Variants in RGS9 observed in about 807,000 individuals in gnomAD.
RGS9 encodes the protein regulator of G protein signaling 9, also known as regulator of G-protein signalling 9.
A neutral mutation model predicts 102.0 loss-of-function variants in RGS9; 78 were observed. That is an observed-to-expected ratio of 0.76 (90% CI 0.64 to 0.92). The LOEUF is 0.92. Ranked by LOEUF, RGS9 falls within the 40% of genes least tolerant of loss-of-function variation. The pLI, the probability that RGS9 is intolerant of heterozygous loss-of-function variation, is 0.00. For missense variants in RGS9, 833 were observed against 866.1 expected, an observed-to-expected ratio of 0.96 and a Z score of 0.48; for synonymous variants, 353 against 318.6, an observed-to-expected ratio of 1.11 and a Z score of -1.15.
At chr17:65,223,442 A>C (rs1398052623) in intron 17 of RGS9, among the ~76,000 whole-genome samples, 1 of 152,202 alleles carries the variant, frequency 6.6e-6, no homozygotes, top group African/African-American at 2.4e-5. Context: ...CCCTGCCCTC[A>C]GTGGCCCCTG....
At chr17:65,174,803 G>A (rs901949063) in intron 8 of RGS9, among the ~76,000 whole-genome samples, 2 of 152,192 alleles carry the variant, frequency 1.3e-5, no homozygotes, top group African/African-American at 4.8e-5. Context: ...AGTTCTGCAT[G>A]GCTGGGGAAG....
chr17:65,194,834 G>T (rs370580370), intron 12 of RGS9, among the ~76,000 whole-genome samples: 2 of 152,188 alleles, frequency 1.3e-5, no homozygotes, highest in African/African-American at 4.8e-5. Context: ...GGTCAACACT[G>T]CCGAGGCCAT....
chr17:65,140,589 G>C (rs576750519), intron 1 of RGS9, among the ~76,000 whole-genome samples: 1 of 152,260 alleles, frequency 6.6e-6, no homozygotes, highest in Non-Finnish European at 1.5e-5. Flanking sequence ...GAAGATCACT[G>C]GTGGGCCAGT....
intron 12 of RGS9, among the ~76,000 whole-genome samples, chr17:65,193,993 T>C (rs1912484022): frequency 6.6e-6 from 1 of 152,170 alleles, no homozygotes. Context: ...GTCAAATACT[T>C]GCCAATCCCA....
rs915498979 is a variant in RGS9 at position 65,179,759 on chromosome 17, G to T, written c.654+1956G>T. 4.6e-5 allele frequency among the ~76,000 whole-genome samples: 7 copies of T among 151,822 alleles called. 1 individual carries two copies. Among genetic ancestry groups the T allele is most frequent in the Admixed American group, 2.6e-4 (4 of 15,238 alleles). ...GGAGCTGAGCTGCTCCATCCTGGGG[G>T]TGACTTCTGAGGAGGGTGACCAGAT... On this transcript the variant is annotated intron_variant, in intron 9 of 18. Transcript: ENST00000262406.
At chr17:65,187,481 G>A (rs1051960187) in intron 9 of RGS9, among the ~76,000 whole-genome samples, 6 of 152,150 alleles carry the variant, frequency 3.9e-5, no homozygotes, top group Non-Finnish European at 7.4e-5. Context: ...AGAGCAATCC[G>A]GGGAAGCAAA....
intron 15 of RGS9, among the ~76,000 whole-genome samples, chr17:65,206,221 C>T (rs935896016): frequency 5.9e-5 from 9 of 152,150 alleles, no homozygotes; most frequent in South Asian, 2.1e-4. Flanking sequence ...TTAGAATTGC[C>T]GCCAAGCCAG....
At chr17:65,215,473 T>C (rs1913459831) in intron 17 of RGS9, among the ~76,000 whole-genome samples, 1 of 139,846 alleles carries the variant, frequency 7.2e-6, no homozygotes, top group South Asian at 2.2e-4. Flanking sequence ...TTTCTTTCTT[T>C]CTCTATCTTT....
At chr17:65,190,768 G>C (rs1007156380) in intron 11 of RGS9, among the ~76,000 whole-genome samples, 1 of 152,216 alleles carries the variant, frequency 6.6e-6, no homozygotes, top group African/African-American at 2.4e-5. Context: ...AAAGAGCTGA[G>C]TGCTGCCTCC....
chr17:65,153,046 A>G (rs1910639214), intron 1 of RGS9, among the ~76,000 whole-genome samples: 1 of 152,200 alleles, frequency 6.6e-6, no homozygotes, highest in Non-Finnish European at 1.5e-5. Context: ...TTCCAGCTGC[A>G]ACTCCTGCTG....
chr17:65,213,217 A>G (rs1487045401), intron 17 of RGS9, among the ~76,000 whole-genome samples: 1 of 152,238 alleles, frequency 6.6e-6, no homozygotes, highest in Non-Finnish European at 1.5e-5. Flanking sequence ...AAATTAGGTA[A>G]TTTCTAAAAG....
chr17:65,189,868 A>G (rs142472368), intron 10 of RGS9, among the ~76,000 whole-genome samples: 80 of 152,270 alleles, frequency 5.3e-4, no homozygotes, highest in African/African-American at 1.8e-3. Context: ...TCTGTCTGCC[A>G]GAGACATGTG....
Position 65,146,623 on chromosome 17 carries a change from G to A in RGS9, c.58-6799G>A, listed in dbSNP as rs537570907. 7.9e-5 allele frequency among the ~76,000 whole-genome samples: 12 copies of A among 151,556 alleles called. 1 individual carries two copies. The highest frequency in any genetic ancestry group is 6.9e-3 in the Middle Eastern group (2 of 290). On this transcript the variant is annotated intron_variant, in intron 1 of 18. Coordinates refer to ENST00000262406, the MANE Select transcript of RGS9 (RefSeq NM_003835.4). The stretch of plus-strand genomic sequence containing the variant: ...AGAAAAGAAAATCTTGGCCGGGCAC[G>A]GTGGCTCATGCCTGTAATCCCAGCA...
At chr17:65,191,890 C>T (rs1912381888) in intron 11 of RGS9, among the ~76,000 whole-genome samples, 1 of 152,198 alleles carries the variant, frequency 6.6e-6, no homozygotes, top group African/African-American at 2.4e-5. Flanking sequence ...GGCATGGATC[C>T]TGTTCTGTCC....
chr17:65,211,154 A>T (rs1416221873), intron 17 of RGS9, among the ~76,000 whole-genome samples: 1 of 152,202 alleles, frequency 6.6e-6, no homozygotes, highest in Non-Finnish European at 1.5e-5. Context: ...GAAGCTCCTC[A>T]TCCTATCTCT....
intron 1 of RGS9, among the ~76,000 whole-genome samples, chr17:65,152,126 A>G (rs1036815281): frequency 6.6e-6 from 1 of 152,188 alleles, no homozygotes; most frequent in African/African-American, 2.4e-5. Flanking sequence ...AGCTTTAGGA[A>G]TGGTCAGGGT....
chr17:65,226,804 G>A (rs1453352607), intron 18 of RGS9, among the ~76,000 whole-genome samples: 2 of 152,040 alleles, frequency 1.3e-5, no homozygotes, highest in Non-Finnish European at 2.9e-5. Context: ...TAGTAGAGAC[G>A]GGGTTTCGCC....
At chr17:65,139,631 C>A (rs191609772) in intron 1 of RGS9, among the ~76,000 whole-genome samples, 35 of 152,318 alleles carry the variant, frequency 2.3e-4, no homozygotes, top group African/African-American at 7.9e-4. Context: ...AGCTCCACTT[C>A]TCTTCCCATG....
Position 65,219,774 on chromosome 17 carries a change from T to TATC in RGS9, c.1408-5217_1408-5215dup, listed in dbSNP as rs549118917. 3.9e-5 allele frequency among the ~76,000 whole-genome samples: 6 copies of TATC among 152,232 alleles called. No homozygotes were observed. In the South Asian group the frequency reaches 8.3e-4, roughly 21 times the overall value. ...TAAGCCCTCAACGAACACTAGCTGC[T>TATC]ATCATCATCATCACCACCATCATCA... On this transcript the variant is annotated intron_variant, in intron 17 of 18. Coordinates refer to ENST00000262406, the MANE Select transcript of RGS9 (RefSeq NM_003835.4).
Sources: allele counts gnomAD v4.1 joint callset (sites outside exome capture counted in the v4.1 genomes callset), GRCh38; gene constraint gnomAD v4.1.1; transcripts MANE v1.5; gene names NCBI Gene and HGNC (gene_info 2026-07-23, HGNC 2026-07-21).